FUT9: variants seen among roughly 807,000 people sequenced by gnomAD.
FUT9 encodes the protein fucosyltransferase 9.
In FUT9, 15 loss-of-function variants were observed where a neutral mutation model predicts 29.7. That is an observed-to-expected ratio of 0.51 (90% CI 0.34 to 0.78). The LOEUF is 0.78. Ranked by LOEUF, FUT9 falls within the 30% of genes least tolerant of loss-of-function variation. FUT9 has a pLI of 0.01. For synonymous variants in FUT9, 169 were observed against 153.7 expected (o/e 1.10, Z -0.74); for missense variants, 319 against 425.4 (o/e 0.75, Z 2.20).
chr6:96,137,435 A>G (rs952827736), intron 2 of FUT9, among the ~76,000 whole-genome samples: 17 of 152,062 alleles, frequency 1.1e-4, no homozygotes, highest in African/African-American at 3.9e-4. Context: ...TGGATACTTC[A>G]CCCTCAAGTA....
At chr6:96,041,826 C>T (rs1020257608) in intron 1 of FUT9, among the ~76,000 whole-genome samples, 10 of 152,218 alleles carry the variant, frequency 6.6e-5, no homozygotes, top group African/African-American at 2.2e-4. Context: ...CGGCCTAAAC[C>T]TTTTATGGAA....
At chr6:96,175,822 G>C (rs1197185850) in intron 2 of FUT9, among the ~76,000 whole-genome samples, 1 of 152,128 alleles carries the variant, frequency 6.6e-6, no homozygotes, top group African/African-American at 2.4e-5. Context: ...TGAGATTAAG[G>C]GATACCCAGA....
intron 2 of FUT9, among the ~76,000 whole-genome samples, chr6:96,176,317 G>GT (rs1338295793): frequency 3.3e-5 from 5 of 151,548 alleles, no homozygotes; most frequent in Non-Finnish European, 7.4e-5. Context: ...TATAAAATAT[G>GT]TATTTGAAAT....
In FUT9 at chr6:96,098,597, A is replaced by T. The variant is rs568978302; in HGVS notation, c.-97-15442A>T. Among the ~76,000 whole-genome samples, 12 of 152,286 alleles carry T rather than the reference A, an allele frequency of 7.9e-5. No homozygotes were observed. The East Asian group carries it at 1.5e-3, about 20-fold the overall frequency. Reference sequence around the variant, plus strand: ...GGAAATTACATAACATAGTTGTCCCAGTTAGAGTCATTCCCAAATGTATTC... The same window carrying T: ...GGAAATTACATAACATAGTTGTCCCTGTTAGAGTCATTCCCAAATGTATTC... On this transcript the variant is annotated intron_variant, in intron 1 of 2. Transcript: ENST00000302103.
intron 2 of FUT9, among the ~76,000 whole-genome samples, chr6:96,173,141 G>GTTCC (rs1030210442): frequency 1.3e-5 from 2 of 151,952 alleles, no homozygotes; most frequent in African/African-American, 4.8e-5. Flanking sequence ...ATTTCCCTGA[G>GTTCC]TTCCTCTCTG....
At chr6:96,131,424 GTGT>G (rs1001636597) in intron 2 of FUT9, among the ~76,000 whole-genome samples, 1 of 151,900 alleles carries the variant, frequency 6.6e-6, no homozygotes, top group African/African-American at 2.4e-5. Flanking sequence ...TACAAATGTA[GTGT>G]TGTCATACTC....
intron 1 of FUT9, among the ~76,000 whole-genome samples, chr6:96,055,986 A>G (rs1328372650): frequency 6.6e-6 from 1 of 151,530 alleles, no homozygotes; most frequent in Non-Finnish European, 1.5e-5. Context: ...TTGAAGTAGT[A>G]TATCAAAGTC....
intron 2 of FUT9, among the ~76,000 whole-genome samples, chr6:96,200,863 C>T (rs1205312003): frequency 6.6e-6 from 1 of 152,046 alleles, no homozygotes; most frequent in Non-Finnish European, 1.5e-5. Flanking sequence ...TACTTAGGAT[C>T]AAATGCAACT....
chr6:96,027,869 G>C (rs1333010731), intron 1 of FUT9, among the ~76,000 whole-genome samples: 1 of 151,410 alleles, frequency 6.6e-6, no homozygotes, highest in Non-Finnish European at 1.5e-5. Context: ...ATTTTCATTA[G>C]CCAATGTTTT....
intron 1 of FUT9, among the ~76,000 whole-genome samples, chr6:96,072,428 T>C (rs1384589826): frequency 1.3e-5 from 2 of 152,248 alleles, no homozygotes; most frequent in African/African-American, 4.8e-5. Context: ...ATCACAAATA[T>C]ATCTTTGTCA....
At chr6:96,202,950 A>G (rs1773754674) in intron 2 of FUT9, among the ~76,000 whole-genome samples, 198 bp from the exon 3 acceptor site, 1 of 152,120 alleles carries the variant, frequency 6.6e-6, no homozygotes, top group African/African-American at 2.4e-5. Flanking sequence ...TTTTTGGGAA[A>G]CTTCCTTTTG....
At chr6:96,048,147 G>A (rs1562107447) in intron 1 of FUT9, among the ~76,000 whole-genome samples, 3 of 152,232 alleles carry the variant, frequency 2.0e-5, no homozygotes, top group South Asian at 2.1e-4. Context: ...CAAGTAAAGG[G>A]TCTCTATTTT....
intron 1 of FUT9, among the ~76,000 whole-genome samples, chr6:96,022,816 C>T (rs1458881257): frequency 6.6e-6 from 1 of 151,886 alleles, no homozygotes; most frequent in East Asian, 1.9e-4. Context: ...TCAGTTTTGA[C>T]AAGAGCCCAG....
chr6:96,131,480 C>T (rs1056156105), intron 2 of FUT9, among the ~76,000 whole-genome samples: 1 of 152,036 alleles, frequency 6.6e-6, no homozygotes, highest in Non-Finnish European at 1.5e-5. Flanking sequence ...ACCTTTGTTT[C>T]AAATCGTCAA....
intron 2 of FUT9, among the ~76,000 whole-genome samples, chr6:96,130,400 C>T (rs1019854360): frequency 6.6e-6 from 1 of 152,016 alleles, no homozygotes; most frequent in Non-Finnish European, 1.5e-5. Context: ...TAGTTATATT[C>T]TCTCCCCACC....
At chr6:96,053,081 C>T (rs907925011) in intron 1 of FUT9, among the ~76,000 whole-genome samples, 4 of 151,842 alleles carry the variant, frequency 2.6e-5, no homozygotes, top group Non-Finnish European at 5.9e-5. Context: ...AGTACTGAAT[C>T]AGACTAATTA....
chr6:96,028,258 GA>G (rs1008576667), intron 1 of FUT9, among the ~76,000 whole-genome samples: 21 of 148,960 alleles, frequency 1.4e-4, no homozygotes, highest in South Asian at 1.1e-3. Flanking sequence ...GCGTTACATG[GA>G]AAAAAAAACA....
intron 2 of FUT9, among the ~76,000 whole-genome samples, chr6:96,159,804 T>C (rs900408729): frequency 1.3e-5 from 2 of 152,168 alleles, no homozygotes; most frequent in African/African-American, 4.8e-5. Flanking sequence ...TCTAAACACG[T>C]TGATTATTTT....
At chr6:96,155,369 A>G (rs1772761023) in intron 2 of FUT9, among the ~76,000 whole-genome samples, 1 of 152,164 alleles carries the variant, frequency 6.6e-6, no homozygotes, top group Non-Finnish European at 1.5e-5. Context: ...TTTTGGAGAT[A>G]AGGTCTTTAA....
Sources: gnomAD v4.1 joint callset for allele counts (sites outside exome capture counted in the v4.1 genomes callset) on GRCh38, gnomAD v4.1.1 for gene constraint, MANE v1.5 for transcripts, NCBI Gene and HGNC (gene_info 2026-07-23, HGNC 2026-07-21) for gene names.